Variants in PTGR2 observed in about 807,000 individuals in gnomAD.
PTGR2 encodes the protein prostaglandin reductase 2.
In PTGR2, 32 loss-of-function variants were observed where a neutral mutation model predicts 43.4. The observed-to-expected ratio is 0.74, with a 90% confidence interval of 0.56 to 0.99. The LOEUF is 0.99. PTGR2 is among the 50% of genes least tolerant of loss of function. The pLI, the probability that PTGR2 is intolerant of heterozygous loss-of-function variation, is 0.00. For synonymous variants in PTGR2, 106 were observed against 139.2 expected, an observed-to-expected ratio of 0.76 and a Z score of 1.68; for missense variants, 373 against 420.0, an observed-to-expected ratio of 0.89 and a Z score of 0.98.
intron 1 of PTGR2, among the ~76,000 whole-genome samples, chr14:73,857,664 G>GTTTTTTTTTT (rs1213963564): frequency 0.059 from 3,791 of 64,676 alleles, 932 homozygotes; most frequent in Non-Finnish European, 0.067. Flanking sequence ...AGCAGTTAGT[G>GTTTTTTTTTT]TTTTTTTTTT....
chr14:73,857,761 C>T (rs959506176), intron 1 of PTGR2, among the ~76,000 whole-genome samples: 30 of 143,400 alleles, frequency 2.1e-4, no homozygotes, highest in East Asian at 6.8e-4. Flanking sequence ...CTCCGCCTCC[C>T]GGGTCCACGC....
At chr14:73,859,147 T>A (rs951353954) in intron 2 of PTGR2, among the ~76,000 whole-genome samples, 1 of 152,158 alleles carries the variant, frequency 6.6e-6, no homozygotes, top group Non-Finnish European at 1.5e-5. Context: ...TGAAATAAGG[T>A]ATTTTGGAAT....
chr14:73,882,767 TG>T (rs2055021426), intron 9 of PTGR2, among the ~76,000 whole-genome samples: 2 of 144,178 alleles, frequency 1.4e-5, no homozygotes, highest in Non-Finnish European at 3.0e-5. Flanking sequence ...CCCAAAGTGC[TG>T]GGATTACAAG....
At chr14:73,872,283 G>T (rs1386759181) in intron 3 of PTGR2, among the ~76,000 whole-genome samples, 1 of 152,180 alleles carries the variant, frequency 6.6e-6, no homozygotes, top group East Asian at 1.9e-4. Context: ...CTGAAGTTGG[G>T]ATGAGCAACT....
At chr14:73,870,254 C>G (rs2054698037) in intron 3 of PTGR2, among the ~76,000 whole-genome samples, 1 of 144,556 alleles carries the variant, frequency 6.9e-6, no homozygotes, top group Non-Finnish European at 1.5e-5. Context: ...TCTTGGCTTA[C>G]TGCCACCTCT....
At chr14:73,853,190 A>G (rs766398959) in intron 1 of PTGR2, among the ~76,000 whole-genome samples, 1 of 150,156 alleles carries the variant, frequency 6.7e-6, no homozygotes, top group African/African-American at 2.4e-5. Context: ...GCACGAAATA[A>G]GGGTATTAAA....
chr14:73,882,499 AT>A (rs2055013430), intron 9 of PTGR2, 61 bp downstream of exon 9: 2 of 1,127,288 alleles, frequency 1.8e-6, no homozygotes, highest in Non-Finnish European at 2.6e-6. Flanking sequence ...AAGTCTCTTT[AT>A]TTTTATTTAT....
Position 73,874,084 on chromosome 14 carries a change from T to A in PTGR2, c.218T>A (p.Val73Asp). 1.2e-6 allele frequency: 2 copies of A among 1,613,772 alleles called. No individual in the cohort carries two copies. The highest frequency in any genetic ancestry group is 2.7e-5 in the African/African-American group (2 of 75,000). Residue 73 changes from valine (V) to aspartate (D), a missense_variant, in exon 4 of 10, where the codon GTC (valine) becomes GAC (aspartate). Val to Asp is a radical substitution (Grantham distance 152). Transcript: ENST00000555661. ...DYITPWQLSQ[V>D]VDGGGIGIIE... ...ATAACACCTTGGCAGCTATCTCAAG[T>A]CGTTGATGGAGGAGGTATTGGAATT...
At chr14:73,881,361 T>A in intron 8 of PTGR2, 69 bp downstream of exon 8, 1 of 936,972 alleles carries the variant, frequency 1.1e-6, no homozygotes, top group Non-Finnish European at 1.7e-6. Flanking sequence ...TATTTAAATG[T>A]ACTATAGCAA....
intron 1 of PTGR2, 183 bp from the exon 2 acceptor site, chr14:73,858,633 C>T (rs113609165): frequency 8.0e-6 from 3 of 373,278 alleles, no homozygotes; most frequent in African/African-American, 4.1e-5. Context: ...AAAATTCTAA[C>T]TAGATTTAGT....
At chr14:73,878,736 A>G in intron 5 of PTGR2, 1 of 377,776 alleles carries the variant, frequency 2.6e-6, no homozygotes, top group South Asian at 2.3e-5. Context: ...GCCCAGCCAT[A>G]AGTGTTCTGA....
At chr14:73,860,066 C>T (rs954980875) in intron 2 of PTGR2, among the ~76,000 whole-genome samples, 1 of 151,790 alleles carries the variant, frequency 6.6e-6, no homozygotes, top group African/African-American at 2.4e-5. Flanking sequence ...CCAGGCTGGT[C>T]TGAAACTCCT....
At chr14:73,883,188 C>CTTT (rs58234739) in intron 9 of PTGR2, among the ~76,000 whole-genome samples, 2,222 of 58,052 alleles carry the variant, frequency 0.038, 213 homozygotes, top group East Asian at 0.13. Context: ...CCTCACCTCC[C>CTTT]TTTTTTTTTT....
chr14:73,871,181 T>C (rs1313150159), intron 3 of PTGR2, among the ~76,000 whole-genome samples: 1 of 152,152 alleles, frequency 6.6e-6, no homozygotes, highest in Non-Finnish European at 1.5e-5. Flanking sequence ...GTCTATATAA[T>C]GACGCCTTCA....
intron 1 of PTGR2, among the ~76,000 whole-genome samples, chr14:73,856,715 A>G (rs2054355728): frequency 6.6e-6 from 1 of 152,240 alleles, no homozygotes; most frequent in Non-Finnish European, 1.5e-5. Context: ...CTAGGTGTCT[A>G]GTAATCTGTA....
intron 1 of PTGR2, among the ~76,000 whole-genome samples, chr14:73,856,498 G>C (rs1354711464): frequency 6.6e-6 from 1 of 151,962 alleles, no homozygotes; most frequent in African/African-American, 2.4e-5. Flanking sequence ...TGATCTGCCC[G>C]CCTTGGCCTC....
intron 7 of PTGR2, among the ~76,000 whole-genome samples, chr14:73,880,678 T>C (rs78434294): frequency 0.016 from 2,426 of 152,094 alleles, 55 homozygotes; most frequent in African/African-American, 0.056. Context: ...ACCTGAAAAC[T>C]GATAGTTATT....
intron 3 of PTGR2, among the ~76,000 whole-genome samples, chr14:73,870,231 T>G (rs1326873502): frequency 6.6e-6 from 1 of 150,458 alleles, no homozygotes; most frequent in Non-Finnish European, 1.5e-5. Context: ...TCTTGCTCTG[T>G]GCAGTGGCAC....
At chr14:73,858,037 T>A (rs2054402026) in intron 1 of PTGR2, 1 of 152,082 alleles carries the variant, frequency 6.6e-6, no homozygotes, top group Admixed American at 6.5e-5. Context: ...TGTTGTTTGT[T>A]TTATGTTTTT....
Sources: gnomAD v4.1 joint callset for allele counts (sites outside exome capture counted in the v4.1 genomes callset) on GRCh38, gnomAD v4.1.1 for gene constraint, MANE v1.5 for transcripts, NCBI Gene and HGNC (gene_info 2026-07-23, HGNC 2026-07-21) for gene names.